The following TTLL11 variants were observed in gnomAD, a reference collection of about 807,000 sequenced individuals.
TTLL11 encodes tubulin polyglutamylase TTLL11.
TTLL11 carries 42 observed loss-of-function variants against 51.7 expected under a neutral mutation model. That is an observed-to-expected ratio of 0.81 (90% CI 0.64 to 1.05). The LOEUF (loss-of-function observed/expected upper bound fraction) is 1.05. TTLL11 is among the 50% of genes least tolerant of loss of function. The pLI is 0.00. For synonymous variants in TTLL11, 381 were observed against 383.5 expected, an observed-to-expected ratio of 0.99 and a Z score of 0.08; for missense variants, 799 against 940.4, an observed-to-expected ratio of 0.85 and a Z score of 1.97.
At chr9:122,090,985 C>T (rs961144412) in intron 1 of TTLL11, among the ~76,000 whole-genome samples, 5 of 152,152 alleles carry the variant, frequency 3.3e-5, no homozygotes, top group Non-Finnish European at 7.3e-5. Context: ...CCCTATTGAA[C>T]CATGAAGTCC....
At chr9:121,912,405 A>C in intron 6 of TTLL11, among the ~76,000 whole-genome samples, 1 of 127,330 alleles carries the variant, frequency 7.9e-6, no homozygotes, top group South Asian at 2.7e-4. Flanking sequence ...CAGCAATACC[A>C]CGCTGCTTAT....
Position 121,827,383 on chromosome 9 carries a change from C to T in TTLL11, c.1841-4504G>A, listed in dbSNP as rs144644559. Among the ~76,000 whole-genome samples, 28 of 152,162 alleles carry T rather than the reference C, an allele frequency of 1.8e-4. No individual in the cohort carries two copies. In the East Asian group the frequency reaches 4.9e-3, roughly 26 times the overall value. On this transcript the variant is annotated intron_variant, in intron 8 of 8. Coordinates refer to ENST00000321582, the MANE Select transcript of TTLL11 (RefSeq NM_001139442.2). ...CCCTTGTTTAGCATTTGCATTTTGC[C>T]GAAGGGTGGGGACGGGAAGTACCTG...
At chr9:122,037,023 C>A (rs1009169226) in intron 2 of TTLL11, among the ~76,000 whole-genome samples, 1 of 152,280 alleles carries the variant, frequency 6.6e-6, no homozygotes, top group South Asian at 2.1e-4. Context: ...CATTCTATCA[C>A]CTTTATGAAA....
Position 122,093,051 on chromosome 9 carries a change from G to GCGGCCT in TTLL11, c.97_98insAGGCCG (p.Thr33delinsLysAlaAla), listed in dbSNP as rs1554794763. The GCGGCCT allele has an allele frequency of 6.6e-7, 1 of 1,517,972 alleles. No homozygotes were observed. The highest frequency in any genetic ancestry group is 2.0e-5 in the Admixed American group (1 of 49,620). The allele number at this position is 1,517,972 out of a possible 1,614,324, so 94.0% of individuals were successfully genotyped here. Reference sequence around the variant, plus strand: ...GACCTGTTCCGCCACCGTCTCCGCTGTGGCCTCGGCCTCAGCTTTGGCCGC... The same window carrying GCGGCCT: ...GACCTGTTCCGCCACCGTCTCCGCTGCGGCCTTGGCCTCGGCCTCAGCTTTGGCCGC... On this transcript the variant is annotated protein_altering_variant, in exon 1 of 9. Coordinates refer to ENST00000321582, the MANE Select transcript of TTLL11 (RefSeq NM_001139442.2).
At chr9:121,829,006 G>A (rs1475691191) in intron 8 of TTLL11, among the ~76,000 whole-genome samples, 1 of 151,452 alleles carries the variant, frequency 6.6e-6, no homozygotes, top group African/African-American at 2.4e-5. Context: ...CACCCAGGCT[G>A]GAGTGCAGTG....
rs201862145 is a variant in TTLL11, at chr9:121,906,347, A to T, written c.1482-35599T>A. ...GATCCATTTATGTAATAATTTTTAA[A>T]AAAAAAAAAATCTGTCTTCTCCATG... On this transcript the variant is annotated intron_variant, in intron 6 of 8. Coordinates refer to ENST00000321582, the MANE Select transcript of TTLL11 (RefSeq NM_001139442.2). 1.5e-3 allele frequency among the ~76,000 whole-genome samples: 82 copies of T among 55,434 alleles called. 1 individual carries two copies. The highest frequency in any genetic ancestry group is 2.4e-3 in the African/African-American group (74 of 31,292). The allele number at this position is 55,434 out of a possible 152,430, so 36.4% of individuals were successfully genotyped here.
At position 121,822,933 on chromosome 9, in the gene TTLL11, T is replaced by G. The variant is rs1429846651; in HGVS notation, c.1841-54A>C. On this transcript the variant is annotated intron_variant, in intron 8 of 8. Transcript: ENST00000321582. This position sits in a 1 kb window ranked among gnomAD's most constrained non-coding sequence, Gnocchi z 5.8. ...TGCACACAGCTGCCCTACGCTGCCCTGGGAAGGCCCACCTCCAGCCACAAG... is the reference window on the plus strand; with the variant it reads ...TGCACACAGCTGCCCTACGCTGCCCGGGGAAGGCCCACCTCCAGCCACAAG... 1.6e-5 allele frequency: 24 copies of G among 1,478,014 alleles called. No homozygotes were observed. The highest frequency in any genetic ancestry group is 2.2e-5 in the Non-Finnish European group (24 of 1,111,164). The allele number at this position is 1,478,014 out of a possible 1,614,324, so 91.6% of individuals were successfully genotyped here.
intron 1 of TTLL11, among the ~76,000 whole-genome samples, chr9:122,063,475 C>T (rs976837620): frequency 6.6e-6 from 1 of 151,388 alleles, no homozygotes; most frequent in Non-Finnish European, 1.5e-5. Flanking sequence ...AATAAGATTG[C>T]GTTTTAAAAT....
intron 6 of TTLL11, among the ~76,000 whole-genome samples, chr9:121,896,082 C>T (rs1839509588): frequency 6.7e-6 from 1 of 149,838 alleles, no homozygotes; most frequent in African/African-American, 2.5e-5. Context: ...CTGTGTGTGC[C>T]CGTTTGGTTG....
chr9:122,060,876 G>T (rs1381782292), intron 1 of TTLL11, among the ~76,000 whole-genome samples: 1 of 152,186 alleles, frequency 6.6e-6, no homozygotes, highest in African/African-American at 2.4e-5. Context: ...GTATTCCTGG[G>T]GTATGGGAGA....
chr9:122,015,820 A>AAAG (rs1843954341), intron 3 of TTLL11, among the ~76,000 whole-genome samples: 1 of 151,640 alleles, frequency 6.6e-6, no homozygotes, highest in Non-Finnish European at 1.5e-5. Flanking sequence ...AAAAAAAAAA[A>AAAG]AAAGAAAGAA....
At chr9:121,843,744 C>T (rs1451945253) in intron 8 of TTLL11, among the ~76,000 whole-genome samples, 1 of 152,162 alleles carries the variant, frequency 6.6e-6, no homozygotes, top group African/African-American at 2.4e-5. Flanking sequence ...GCAACCACAG[C>T]TCACTGCAGC....
At chr9:122,069,973 G>C (rs1845687130) in intron 1 of TTLL11, among the ~76,000 whole-genome samples, 1 of 150,990 alleles carries the variant, frequency 6.6e-6, no homozygotes, top group Non-Finnish European at 1.5e-5. Context: ...ACCTACTCTA[G>C]GCCAGGCATA....
At chr9:121,841,469 C>A (rs189812286) in intron 8 of TTLL11, among the ~76,000 whole-genome samples, 126 of 152,320 alleles carry the variant, frequency 8.3e-4, no homozygotes, top group Non-Finnish European at 1.6e-3. Flanking sequence ...TTCCTCCTCC[C>A]TTCGCAGATG....
intron 3 of TTLL11, among the ~76,000 whole-genome samples, chr9:122,001,571 G>A (rs372713818): frequency 1.2e-4 from 19 of 152,236 alleles, no homozygotes; most frequent in African/African-American, 4.3e-4. Flanking sequence ...GGTCAAGGTC[G>A]CCAAGATGGA....
At chr9:121,996,350 C>T (rs545733468) in intron 3 of TTLL11, among the ~76,000 whole-genome samples, 2 of 152,180 alleles carry the variant, frequency 1.3e-5, no homozygotes, top group East Asian at 3.9e-4. Flanking sequence ...GGCCTGCAAC[C>T]CTCTATACAG....
At chr9:122,015,807 C>CCA (rs1275999269) in intron 3 of TTLL11, among the ~76,000 whole-genome samples, 1 of 94,494 alleles carries the variant, frequency 1.1e-5, no homozygotes, top group Non-Finnish European at 2.2e-5. Context: ...TCAAAAGAGA[C>CCA]AAAAAAAAAA....
chr9:121,878,285 TG>T, intron 6 of TTLL11, among the ~76,000 whole-genome samples: 1 of 152,136 alleles, frequency 6.6e-6, no homozygotes, highest in East Asian at 1.9e-4. Context: ...TGAATCTGCT[TG>T]GGGGGCTTGT....
intron 8 of TTLL11, among the ~76,000 whole-genome samples, chr9:121,831,135 G>C (rs1434034983): frequency 1.3e-5 from 2 of 152,212 alleles, no homozygotes; most frequent in Non-Finnish European, 2.9e-5. Flanking sequence ...GAGGGCCTCT[G>C]ACACCTCAGG....
Sources: allele counts gnomAD v4.1 joint callset (sites outside exome capture counted in the v4.1 genomes callset), GRCh38; gene constraint gnomAD v4.1.1; non-coding constraint Gnocchi (gnomAD v3.1); transcripts MANE v1.5; gene names NCBI Gene and HGNC (gene_info 2026-07-23, HGNC 2026-07-21).